The following TMC1 variants were observed in gnomAD, a reference collection of about 807,000 sequenced individuals.
The protein encoded by TMC1 is transmembrane channel-like protein 1.
A neutral mutation model predicts 105.8 loss-of-function variants in TMC1; 84 were observed. The observed-to-expected ratio is 0.79, with a 90% confidence interval of 0.67 to 0.95. TMC1 has a LOEUF of 0.95. Ranked by LOEUF, TMC1 falls within the 40% of genes least tolerant of loss-of-function variation. The pLI is 0.00. For synonymous variants in TMC1, 315 were observed against 311.5 expected, an observed-to-expected ratio of 1.01 and a Z score of -0.12; for missense variants, 817 against 914.1, an observed-to-expected ratio of 0.89 and a Z score of 1.37.
intron 2 of TMC1, among the ~76,000 whole-genome samples, chr9:72,599,411 C>G (rs541108280): frequency 6.6e-6 from 1 of 152,258 alleles, no homozygotes; most frequent in South Asian, 2.1e-4. Flanking sequence ...GCGATGAAAA[C>G]CTTCTTGCCA....
Position 72,745,461 on chromosome 9 carries a change from T to C in TMC1, c.535+2936T>C, listed in dbSNP as rs1167028322. Among the ~76,000 whole-genome samples the C allele has an allele frequency of 3.3e-5, 5 of 152,310 alleles. No individual in the cohort carries two copies. In the East Asian group the frequency reaches 9.6e-4, roughly 29 times the overall value. ...AGGCCGATGGCAGGATGAGTAGTTATAGATTTTCTTGATCGTTATCAAGGA... is the reference window on the plus strand; with the variant it reads ...AGGCCGATGGCAGGATGAGTAGTTACAGATTTTCTTGATCGTTATCAAGGA... On this transcript the variant is annotated intron_variant, in intron 10 of 23. Transcript: ENST00000297784.
intron 21 of TMC1, 144 bp downstream of exon 21, chr9:72,827,138 G>A (rs1828970236): frequency 1.8e-6 from 2 of 1,118,538 alleles, no homozygotes; most frequent in Non-Finnish European, 1.4e-6. Flanking sequence ...ATGGTGGTGA[G>A]AGGCTAAAAT....
At chr9:72,588,004 G>C (rs565601182) in intron 2 of TMC1, among the ~76,000 whole-genome samples, 1 of 152,116 alleles carries the variant, frequency 6.6e-6, no homozygotes, top group South Asian at 2.1e-4. Context: ...GGCCAGGCTG[G>C]TCTCAAACTC....
rs13291401 is a variant in TMC1 at position 72,521,715 on chromosome 9, C to G, written c.-626C>G. 9,143 of 152,082 alleles carry G rather than the reference C, an allele frequency of 0.06. 330 individuals are homozygous for G. Among genetic ancestry groups the G allele is most frequent in the Middle Eastern group, 0.071 (21 of 294 alleles). 9.4% of individuals were successfully genotyped at this position (152,082 alleles called of 1,614,324 possible). ...CTGAAATCACGCCATTGCGCTCCAG[C>G]CTGGGTGACAGAGCAAGACTCCGTC... On this transcript the variant is annotated 5_prime_UTR_variant, in exon 1 of 24. Coordinates refer to ENST00000297784, the MANE Select transcript of TMC1 (RefSeq NM_138691.3).
chr9:72,669,522 T>C (rs988652538), intron 5 of TMC1, among the ~76,000 whole-genome samples: 1 of 152,222 alleles, frequency 6.6e-6, no homozygotes, highest in African/African-American at 2.4e-5. Context: ...TTGTATGACA[T>C]CTATCATAAA....
At chr9:72,716,828 G>A (rs192714813) in intron 8 of TMC1, among the ~76,000 whole-genome samples, 9 of 152,258 alleles carry the variant, frequency 5.9e-5, no homozygotes, top group African/African-American at 9.6e-5. Flanking sequence ...CAACTCCTGC[G>A]GCTAGCTCTG....
chr9:72,617,543 T>A (rs1587991941), intron 3 of TMC1, among the ~76,000 whole-genome samples: 1 of 152,288 alleles, frequency 6.6e-6, no homozygotes, highest in East Asian at 1.9e-4. Context: ...TTAAATGAGA[T>A]AATACCAAAT....
At chr9:72,607,585 CA>C (rs1824945328) in intron 2 of TMC1, among the ~76,000 whole-genome samples, 1 of 144,764 alleles carries the variant, frequency 6.9e-6, no homozygotes, top group African/African-American at 2.6e-5. Context: ...CACTGCACTT[CA>C]GCCTGGGCGA....
chr9:72,726,076 C>T (rs771214509), intron 8 of TMC1, among the ~76,000 whole-genome samples: 2 of 152,072 alleles, frequency 1.3e-5, no homozygotes, highest in Admixed American at 6.5e-5. Context: ...AGTTGACACT[C>T]AGTATTAACC....
intron 17 of TMC1, among the ~76,000 whole-genome samples, chr9:72,795,958 T>A (rs1828358116): frequency 6.8e-6 from 1 of 147,800 alleles, no homozygotes; most frequent in Non-Finnish European, 1.5e-5. Context: ...TGGAAGAAAA[T>A]CTACCAACCA....
At chr9:72,648,460 A>G in intron 4 of TMC1, 137 bp from the exon 5 acceptor site, 1 of 650,286 alleles carries the variant, frequency 1.5e-6, no homozygotes, top group Non-Finnish European at 2.8e-6. Context: ...ACATTCGTGA[A>G]AATTTAATGG....
intron 2 of TMC1, among the ~76,000 whole-genome samples, chr9:72,588,323 GGGCT>G (rs5898265): frequency 0.11 from 17,221 of 152,128 alleles, 1,104 homozygotes; most frequent in Non-Finnish European, 0.16. Flanking sequence ...AATTTGGATA[GGGCT>G]GTGTAGAACA....
intron 1 of TMC1, among the ~76,000 whole-genome samples, chr9:72,524,311 A>C (rs915244055): frequency 1.3e-5 from 2 of 152,196 alleles, no homozygotes; most frequent in Non-Finnish European, 2.9e-5. Flanking sequence ...AAGGGTAAAT[A>C]TTGTCATCAA....
At chr9:72,677,700 A>G (rs1345067823) in intron 5 of TMC1, among the ~76,000 whole-genome samples, 3 of 152,070 alleles carry the variant, frequency 2.0e-5, no homozygotes, top group Non-Finnish European at 1.5e-5. Flanking sequence ...TGACAACCCA[A>G]ACTGAAAAAT....
At chr9:72,731,402 T>G (rs764929782) in intron 8 of TMC1, among the ~76,000 whole-genome samples, 1 of 152,118 alleles carries the variant, frequency 6.6e-6, no homozygotes, top group African/African-American at 2.4e-5. Context: ...GTGGAGAAGC[T>G]GTAGTGTTGG....
At chr9:72,742,593 G>A in intron 10 of TMC1, 68 bp downstream of exon 10, 2 of 1,290,154 alleles carry the variant, frequency 1.6e-6, no homozygotes, top group East Asian at 2.3e-5. Flanking sequence ...CTTATCAGAT[G>A]CCTTTGTCAG....
chr9:72,683,095 T>C (rs774283320), intron 5 of TMC1, among the ~76,000 whole-genome samples: 2 of 152,208 alleles, frequency 1.3e-5, no homozygotes, highest in Non-Finnish European at 2.9e-5. Flanking sequence ...GGGATTACAA[T>C]TAGACATGAG....
chr9:72,812,931 TCTGGGTGGATGA>T (rs1828728641), intron 18 of TMC1, among the ~76,000 whole-genome samples: 1 of 152,214 alleles, frequency 6.6e-6, no homozygotes, highest in African/African-American at 2.4e-5. Flanking sequence ...ATGTCTTCCC[TCTGGGTGGATGA>T]CTGACTTAGC....
At chr9:72,638,399 G>T (rs1406474618) in intron 4 of TMC1, among the ~76,000 whole-genome samples, 1 of 152,080 alleles carries the variant, frequency 6.6e-6, no homozygotes, top group East Asian at 1.9e-4. Context: ...GGCTGGATTT[G>T]ACTATTCTAA....
Sources: allele counts gnomAD v4.1 joint callset (sites outside exome capture counted in the v4.1 genomes callset), GRCh38; gene constraint gnomAD v4.1.1; transcripts MANE v1.5; gene names NCBI Gene and HGNC (gene_info 2026-07-23, HGNC 2026-07-21).